The following NBPF11 variants were observed in gnomAD, a reference collection of about 807,000 sequenced individuals.
NBPF11 encodes the protein NBPF member 11.
In NBPF11, 72 loss-of-function variants were observed where a neutral mutation model predicts 93.9. The ratio of observed to expected loss-of-function variants is 0.77; its 90% CI spans 0.63 to 0.93. The LOEUF (loss-of-function observed/expected upper bound fraction) is 0.93. Ranked by LOEUF, NBPF11 falls within the 40% of genes least tolerant of loss-of-function variation. The pLI is 0.00. For missense variants in NBPF11, 705 were observed against 802.2 expected (o/e 0.88, Z 1.46); for synonymous variants, 224 against 304.9 (o/e 0.73, Z 2.76).
chr1:148,108,559 G>C lies in NBPF11; in HGVS notation c.1949C>G (p.Thr650Ser), dbSNP rs200094427. The part of the protein sequence containing the change: ...YSTPSVYLGL[T>S]DSCQPYRSAF... Reference sequence around the variant, plus strand: ...ACTTCTGTAGGGCTGGCATGAGTCAGTCAGTCCAAGATAAACTGAAGGAGT... The same window carrying C: ...ACTTCTGTAGGGCTGGCATGAGTCACTCAGTCCAAGATAAACTGAAGGAGT... Residue 650 changes from threonine to serine, a missense_variant, in exon 18 of 24, where the codon ACT (threonine) becomes AGT (serine). By Grantham distance (58) the Thr-to-Ser change is moderately conservative. Coordinates refer to ENST00000682118, the MANE Select transcript of NBPF11 (RefSeq NM_001385469.3). 3 of 1,603,388 alleles carry C rather than the reference G, an allele frequency of 1.9e-6. No homozygotes were observed. The highest frequency in any genetic ancestry group is 1.7e-5 in the Admixed American group (1 of 59,944).
intron 2 of NBPF11, among the ~76,000 whole-genome samples, chr1:148,138,703 G>T (rs1671728508): frequency 6.6e-6 from 1 of 151,298 alleles, no homozygotes; most frequent in African/African-American, 2.4e-5. Flanking sequence ...AGCGTCTCAA[G>T]GCAAAAGAAT....
At chr1:148,142,082 GAGGGAAGGCAGA>G (rs1370871162) in intron 2 of NBPF11, among the ~76,000 whole-genome samples, 3 of 144,944 alleles carry the variant, frequency 2.1e-5, no homozygotes, top group East Asian at 4.1e-4. Context: ...GAAAGGAAGG[GAGGGAAGGCAGA>G]AGGGAAGGAG....
At chr1:148,115,385 G>A (rs1447350971) in intron 14 of NBPF11, among the ~76,000 whole-genome samples, 1 of 149,930 alleles carries the variant, frequency 6.7e-6, no homozygotes, top group Admixed American at 6.6e-5. Context: ...AAAGCTGAGA[G>A]CAGTGAAACC....
chr1:148,118,254 G>A (rs1667020218), intron 11 of NBPF11, among the ~76,000 whole-genome samples: 1 of 151,742 alleles, frequency 6.6e-6, no homozygotes, highest in Non-Finnish European at 1.5e-5. Context: ...GAAAGAATGA[G>A]AAGCCGCAGT....
At chr1:148,137,847 G>C (rs1262162256) in intron 2 of NBPF11, 38 bp from the exon 3 acceptor site, 7 of 143,182 alleles carry the variant, frequency 4.9e-5, no homozygotes, top group Non-Finnish European at 1.1e-4. Flanking sequence ...GGGATGGGTT[G>C]CCCCTCCACA....
intron 16 of NBPF11, among the ~76,000 whole-genome samples, chr1:148,110,087 C>A (rs1405017929): frequency 6.6e-6 from 1 of 151,646 alleles, no homozygotes; most frequent in Non-Finnish European, 1.5e-5. Context: ...TGGGCATGTG[C>A]TGCACAGTTT....
intron 4 of NBPF11, among the ~76,000 whole-genome samples, chr1:148,132,107 T>A (rs1450022622): frequency 1.4e-5 from 2 of 146,152 alleles, no homozygotes; most frequent in Non-Finnish European, 3.0e-5. Context: ...TTGTGCTGTT[T>A]ATCTTATCAG....
rs1288405849 is a variant in NBPF11, at chr1:148,105,789, G to GAGAA, written c.2304-262_2304-261insTTCT. ...ACACACACACACTGAGAGAGAGAGA[G>GAGAA]AAAACGAGCTCAGTGAATTGTCCAG... On this transcript the variant is annotated intron_variant, in intron 21 of 23. Coordinates refer to ENST00000682118, the MANE Select transcript of NBPF11 (RefSeq NM_001385469.3). Among the ~76,000 whole-genome samples, 13 of 134,686 alleles carry GAGAA rather than the reference G, an allele frequency of 9.7e-5. No individual in the cohort carries two copies. The East Asian group carries it at 1.5e-3, about 16-fold the overall frequency. 88.4% of individuals were successfully genotyped at this position (134,686 alleles called of 152,430 possible).
At chr1:148,136,751 A>C (rs1477590341) in intron 3 of NBPF11, among the ~76,000 whole-genome samples, 1 of 151,758 alleles carries the variant, frequency 6.6e-6, no homozygotes, top group Non-Finnish European at 1.5e-5. Flanking sequence ...CTGTCCCATC[A>C]TTTCACATTA....
At chr1:148,141,508 T>C (rs1162197523) in intron 2 of NBPF11, among the ~76,000 whole-genome samples, 1 of 152,124 alleles carries the variant, frequency 6.6e-6, no homozygotes, top group African/African-American at 2.4e-5. Flanking sequence ...AGCAGCCCCA[T>C]ACCAAGGTTT....
rs55994625 is a variant in NBPF11 at position 148,149,788 on chromosome 1, T to TAA, written c.-549+1960_-549+1961dup. 8.6e-4 allele frequency among the ~76,000 whole-genome samples: 118 copies of TAA among 136,636 alleles called. 2 individuals are homozygous for TAA. Among genetic ancestry groups the TAA allele is most frequent in the Admixed American group, 2.2e-3 (31 of 14,124 alleles). The allele number at this position is 136,636 out of a possible 152,430, so 89.6% of individuals were successfully genotyped here. On this transcript the variant is annotated intron_variant, in intron 1 of 23. Transcript: ENST00000682118. ...AAAACGGAAATTAAAGATTTAAAAT[T>TAA]AAAAAAAAAAAAAAGATTTAACAGG...
At chr1:148,146,301 G>A (rs1673046078) in intron 1 of NBPF11, 2 of 1,348,952 alleles carry the variant, frequency 1.5e-6, no homozygotes, top group Middle Eastern at 2.8e-4. Context: ...CCCTGCCCGC[G>A]ACTCGGAGCA....
At chr1:148,123,730 C>G in intron 7 of NBPF11, 123 bp downstream of exon 7, 1 of 1,609,178 alleles carries the variant, frequency 6.2e-7, no homozygotes, top group Non-Finnish European at 8.5e-7. Flanking sequence ...CTGATCATGT[C>G]ATGGCCACAT....
At chr1:148,136,756 A>G (rs1671352855) in intron 3 of NBPF11, among the ~76,000 whole-genome samples, 1 of 151,844 alleles carries the variant, frequency 6.6e-6, no homozygotes, top group Non-Finnish European at 1.5e-5. Context: ...CCATCATTTC[A>G]CATTAGGGAC....
chr1:148,127,097 T>C (rs1669297478), intron 4 of NBPF11, 59 bp from the exon 5 acceptor site: 1 of 489,064 alleles, frequency 2.0e-6, no homozygotes, highest in Admixed American at 4.4e-5. Context: ...CAAATAGGTT[T>C]AATCAGGACT....
intron 21 of NBPF11, among the ~76,000 whole-genome samples, chr1:148,105,747 A>AC (rs1663421648): frequency 8.1e-5 from 6 of 74,196 alleles, no homozygotes; most frequent in African/African-American, 3.3e-4. Context: ...CACACACACA[A>AC]ACACACACAC....
chr1:148,122,200 A>G lies in NBPF11; in HGVS notation c.633T>C (p.Cys211=). 3 of 1,612,570 alleles carry G rather than the reference A, an allele frequency of 1.9e-6. No homozygotes were observed. The highest frequency in any genetic ancestry group is 2.5e-6 in the Non-Finnish European group (3 of 1,179,702). ...AGTCACAAGGGCCGTGGCTATTTGA[A>G]CAAGTGATGGCACATTCCTCCAGTG... ...EDSLEECAIT[C]SNSHGPCDSI... The change falls in exon 9 of 24, where the codon TGT becomes TGC. Residue 211 remains cysteine (C), a synonymous_variant. Transcript: ENST00000682118.
chr1:148,120,806 A>C, intron 9 of NBPF11, 96 bp from the exon 10 acceptor site: 7 of 937,160 alleles, frequency 7.5e-6, no homozygotes, highest in Non-Finnish European at 1.1e-5. Context: ...AGCCTTGTTT[A>C]CTTATTTGAA....
At position 148,135,731 on chromosome 1, in the gene NBPF11, G is replaced by A; in HGVS notation, c.-95C>T. The A allele has an allele frequency of 2.8e-6, 2 of 708,786 alleles. No individual in the cohort carries two copies. The highest frequency in any genetic ancestry group is 2.1e-5 in the Admixed American group (1 of 48,572). The allele number at this position is 708,786 out of a possible 1,614,324, so 43.9% of individuals were successfully genotyped here. ...CAGCTGCTTCTTGGCATTAACTTTG[G>A]ATTCCCAACCAGTAAATCTTAGCAA... On this transcript the variant is annotated 5_prime_UTR_variant, in exon 4 of 24. Transcript: ENST00000682118.
Sources: gnomAD v4.1 joint callset for allele counts (sites outside exome capture counted in the v4.1 genomes callset) on GRCh38, gnomAD v4.1.1 for gene constraint, MANE v1.5 for transcripts, NCBI Gene and HGNC (gene_info 2026-07-23, HGNC 2026-07-21) for gene names.